BMP6: variants seen among roughly 807,000 people sequenced by gnomAD.
The protein encoded by BMP6 is VG-1-R.
Under a neutral mutation model 54.1 loss-of-function variants are expected in BMP6, and 17 were observed. The observed-to-expected ratio is 0.31, with a 90% confidence interval of 0.22 to 0.47. The LOEUF (loss-of-function observed/expected upper bound fraction) is 0.47. Ranked by LOEUF, BMP6 falls within the 20% of genes least tolerant of loss-of-function variation. The pLI is 1.00. For synonymous variants in BMP6, 328 were observed against 291.2 expected (o/e 1.13, Z -1.28); for missense variants, 720 against 690.4 (o/e 1.04, Z -0.48).
intron 1 of BMP6, among the ~76,000 whole-genome samples, chr6:7,775,482 T>A (rs1387937876): frequency 6.6e-6 from 1 of 152,228 alleles, no homozygotes; most frequent in Non-Finnish European, 1.5e-5. Flanking sequence ...TCTCAAAGCA[T>A]CATGCAGATT....
intron 1 of BMP6, among the ~76,000 whole-genome samples, chr6:7,822,259 A>G (rs999375539): frequency 2.0e-5 from 3 of 152,174 alleles, no homozygotes; most frequent in African/African-American, 7.2e-5. Flanking sequence ...ACCTCATGTG[A>G]TCTGCCCGCC....
chr6:7,771,234 G>A (rs1039907382), intron 1 of BMP6, among the ~76,000 whole-genome samples: 12 of 152,148 alleles, frequency 7.9e-5, no homozygotes, highest in Admixed American at 6.5e-5. Context: ...GTTAATTACT[G>A]TTACTGGAAT....
intron 1 of BMP6, among the ~76,000 whole-genome samples, chr6:7,734,100 A>C (rs2113106902): frequency 6.6e-6 from 1 of 152,320 alleles, no homozygotes; most frequent in South Asian, 2.1e-4. Context: ...AATATGTAGT[A>C]TTTCAGCACC....
intron 1 of BMP6, among the ~76,000 whole-genome samples, chr6:7,781,486 G>C (rs1165562723): frequency 1.3e-5 from 2 of 151,454 alleles, no homozygotes; most frequent in African/African-American, 4.8e-5. Context: ...GTGTGGTTTA[G>C]AGCAAAGAGT....
chr6:7,732,829 CTT>C (rs1761889594), intron 1 of BMP6, among the ~76,000 whole-genome samples: 1 of 151,960 alleles, frequency 6.6e-6, no homozygotes, highest in Non-Finnish European at 1.5e-5. Flanking sequence ...CTTTCTGTAA[CTT>C]TTTCACAAAC....
chr6:7,737,609 T>C (rs1339640174), intron 1 of BMP6, among the ~76,000 whole-genome samples: 1 of 152,132 alleles, frequency 6.6e-6, no homozygotes, highest in Non-Finnish European at 1.5e-5. Context: ...CAGTGGATGT[T>C]AGAGTCCCTT....
rs749894481 is a variant in BMP6 at position 7,727,452 on chromosome 6, C to A, written c.497C>A (p.Ala166Asp). The change falls in exon 1 of 7, where the codon GCC (alanine) becomes GAC (aspartate). Residue 166 changes from alanine to aspartate, a missense_variant. By Grantham distance (126) the Ala-to-Asp change is moderately radical (BLOSUM62 -2). Transcript: ENST00000283147. ...CAGCAGTCCTGGCCCCACGAAGCAG[C>A]CAGCTCGTCCCAGCGTCGGCAGCCG... ...ERQQSWPHEA[A>D]SSSQRRQPPP... The A allele has an allele frequency of 7.5e-6, 12 of 1,598,752 alleles. No homozygotes were observed. The South Asian group carries it at 1.3e-4, about 18-fold the overall frequency.
At chr6:7,741,661 G>T (rs1757258403) in intron 1 of BMP6, among the ~76,000 whole-genome samples, 1 of 152,152 alleles carries the variant, frequency 6.6e-6, no homozygotes, top group African/African-American at 2.4e-5. Flanking sequence ...TCAAACTCCT[G>T]GGCTCAAGCG....
chr6:7,750,627 T>A (rs1361637704), intron 1 of BMP6, among the ~76,000 whole-genome samples: 1 of 152,202 alleles, frequency 6.6e-6, no homozygotes, highest in Non-Finnish European at 1.5e-5. Flanking sequence ...TATCTTGAGA[T>A]TTTTCCAGCT....
intron 1 of BMP6, among the ~76,000 whole-genome samples, chr6:7,789,434 T>A (rs1265385213): frequency 6.6e-6 from 1 of 152,190 alleles, no homozygotes; most frequent in African/African-American, 2.4e-5. Flanking sequence ...CCAAAGATAC[T>A]GTGAAAAATA....
At chr6:7,833,734 C>G (rs1289158188) in intron 1 of BMP6, among the ~76,000 whole-genome samples, 1 of 152,158 alleles carries the variant, frequency 6.6e-6, no homozygotes, top group East Asian at 1.9e-4. Context: ...GATGGGATTA[C>G]GTGCATGAAA....
At chr6:7,767,310 G>T (rs549667614) in intron 1 of BMP6, among the ~76,000 whole-genome samples, 1 of 152,244 alleles carries the variant, frequency 6.6e-6, no homozygotes, top group Admixed American at 6.5e-5. Context: ...TATGCTTATT[G>T]TGCTTTTTAT....
intron 1 of BMP6, among the ~76,000 whole-genome samples, chr6:7,750,223 G>A (rs1199227616): frequency 2.6e-5 from 4 of 152,206 alleles, no homozygotes; most frequent in African/African-American, 9.6e-5. Context: ...TGCCTACTGT[G>A]TGCTGGCTGA....
At chr6:7,780,696 T>C (rs1021013966) in intron 1 of BMP6, among the ~76,000 whole-genome samples, 11 of 137,126 alleles carry the variant, frequency 8.0e-5, no homozygotes, top group Admixed American at 7.2e-4. Context: ...GACAATTCTA[T>C]TTTTATTTTA....
intron 1 of BMP6, among the ~76,000 whole-genome samples, chr6:7,781,635 G>A (rs1249665016): frequency 2.0e-5 from 3 of 151,430 alleles, no homozygotes; most frequent in African/African-American, 4.8e-5. Context: ...TTGAGTGTCC[G>A]GAACTATGCC....
chr6:7,822,897 T>TTGTG (rs56161444), intron 1 of BMP6, among the ~76,000 whole-genome samples: 9,945 of 121,018 alleles, frequency 0.082, 379 homozygotes, highest in African/African-American at 0.11. Context: ...TTGGTGCTGG[T>TTGTG]TGTGTGTGTG....
chr6:7,744,814 T>G (rs1057470105), intron 1 of BMP6, among the ~76,000 whole-genome samples: 1 of 152,188 alleles, frequency 6.6e-6, no homozygotes, highest in Non-Finnish European at 1.5e-5. Flanking sequence ...ATCTGTTCTC[T>G]GATTCTCCGG....
chr6:7,823,879 T>C lies in BMP6; in HGVS notation c.665-21261T>C, dbSNP rs984742596. On this transcript the variant is annotated intron_variant, in intron 1 of 6. Coordinates refer to ENST00000283147, the MANE Select transcript of BMP6 (RefSeq NM_001718.6). ...GCTTTGTGCACCACCCTAATGATTG[T>C]GAAAAATACCCTGAAAAGGTTTTTG... Among the ~76,000 whole-genome samples the C allele has an allele frequency of 1.6e-4, 25 of 152,280 alleles. No individual in the cohort carries two copies. In the East Asian group the frequency reaches 4.4e-3, roughly 27 times the overall value.
At chr6:7,833,681 A>G (rs1331032050) in intron 1 of BMP6, among the ~76,000 whole-genome samples, 1 of 152,200 alleles carries the variant, frequency 6.6e-6, no homozygotes, top group Non-Finnish European at 1.5e-5. Context: ...GGTGGTCATA[A>G]TATTTGCTCT....
Sources: allele counts gnomAD v4.1 joint callset (sites outside exome capture counted in the v4.1 genomes callset), GRCh38; gene constraint gnomAD v4.1.1; transcripts MANE v1.5; gene names NCBI Gene and HGNC (gene_info 2026-07-23, HGNC 2026-07-21).